ELFN1: variants seen among roughly 807,000 people sequenced by gnomAD.
ELFN1 encodes the protein extracellular leucine rich repeat and fibronectin type III domain containing 1, also known as protein ELFN1.
ELFN1 carries 6 observed loss-of-function variants against 7.6 expected under a neutral mutation model. The observed-to-expected ratio is 0.79, with a 90% CI of 0.43 to 1.56. ELFN1 has a LOEUF of 1.56. ELFN1 is among the 40% of genes most tolerant of loss of function. The pLI, the probability that ELFN1 is intolerant of heterozygous loss-of-function variation, is 0.01. For synonymous variants in ELFN1, 657 were observed against 588.1 expected (o/e 1.12, Z -1.70); for missense variants, 1,169 against 1,232.2 (o/e 0.95, Z 0.77).
intron 3 of ELFN1, among the ~76,000 whole-genome samples, chr7:1,733,831 A>T (rs1354870682): frequency 6.6e-6 from 1 of 152,076 alleles, no homozygotes; most frequent in Non-Finnish European, 1.5e-5. Context: ...CAGACAGCCC[A>T]CACGCCTGTG....
At position 1,681,122 on chromosome 7, in the gene ELFN1, A is replaced by G. The variant is rs142756189; in HGVS notation, c.-548-6936A>G. Reference sequence around the variant, plus strand: ...ATGCAGTCTTCTGTGGCTGGATTCTAACACTTAGTGTCATATTTTTGAGGT... The same window carrying G: ...ATGCAGTCTTCTGTGGCTGGATTCTGACACTTAGTGTCATATTTTTGAGGT... On this transcript the variant is annotated intron_variant, in intron 1 of 3. Transcript: ENST00000424383. Among the ~76,000 whole-genome samples the G allele has an allele frequency of 4.6e-3, 708 of 152,350 alleles. 4 individuals carry two copies. Among genetic ancestry groups the G allele is most frequent in the African/African-American group, 0.016 (672 of 41,570 alleles).
chr7:1,719,623 T>A (rs531946494), intron 3 of ELFN1, among the ~76,000 whole-genome samples: 75 of 152,282 alleles, frequency 4.9e-4, no homozygotes, highest in African/African-American at 1.8e-3. Flanking sequence ...AGACTCTGAT[T>A]CTGTGAGGAC....
intron 3 of ELFN1, among the ~76,000 whole-genome samples, chr7:1,717,569 CTGGGGATG>C (rs1350774253): frequency 6.6e-6 from 1 of 152,168 alleles, no homozygotes; most frequent in African/African-American, 2.4e-5. Context: ...CCAGGCCTGG[CTGGGGATG>C]TGGTTCATGG....
chr7:1,697,189 C>T (rs1411966357), intron 2 of ELFN1, among the ~76,000 whole-genome samples: 1 of 152,208 alleles, frequency 6.6e-6, no homozygotes, highest in Non-Finnish European at 1.5e-5. Context: ...AGAGGAGCCC[C>T]CCACCCCTCC....
In ELFN1 at chr7:1,745,609, C is replaced by T. The variant is rs760444793; in HGVS notation, c.1013C>T (p.Pro338Leu). The T allele has an allele frequency of 8.4e-6, 13 of 1,550,976 alleles. No individual in the cohort carries two copies. Among genetic ancestry groups the T allele is most frequent in the Middle Eastern group, 3.3e-4 (2 of 6,014 alleles). ...SATITVQLPS[P>L]FHRMYTLEHF... Reference sequence around the variant, plus strand: ...ACCATCACCGTCCAGCTGCCCAGCCCGTTCCACCGGATGTACACCCTGGAG... The same window carrying T: ...ACCATCACCGTCCAGCTGCCCAGCCTGTTCCACCGGATGTACACCCTGGAG... The change falls in exon 4 of 4, where the codon CCG (proline) becomes CTG (leucine). Residue 338 changes from proline (P) to leucine (L), a missense_variant. Physicochemically the swap from Pro to Leu is moderately conservative, Grantham distance 98. Coordinates refer to ENST00000424383, the MANE Select transcript of ELFN1 (RefSeq NM_001128636.4).
intron 3 of ELFN1, among the ~76,000 whole-genome samples, chr7:1,725,289 C>T (rs1780156005): frequency 6.6e-6 from 1 of 152,242 alleles, no homozygotes; most frequent in Non-Finnish European, 1.5e-5. Context: ...GGCCAGAATC[C>T]CGCCCACAGC....
chr7:1,711,567 C>T lies in ELFN1; in HGVS notation c.-294+2315C>T, dbSNP rs55946727. Among the ~76,000 whole-genome samples, 6 of 35,052 alleles carry T rather than the reference C, an allele frequency of 1.7e-4. No individual in the cohort carries two copies. The East Asian group carries it at 2.6e-3, about 15-fold the overall frequency. 23.0% of individuals were successfully genotyped at this position (35,052 alleles called of 152,430 possible). A position where few individuals can be genotyped will look rare whatever the true frequency, so the allele number is the denominator to read the frequency against. ...GGAAGGAAAAACCTTGAAGAGAGAGCGAGAGAGTGAGAGAGAGAGAGAGAG... is the reference window on the plus strand; with the variant it reads ...GGAAGGAAAAACCTTGAAGAGAGAGTGAGAGAGTGAGAGAGAGAGAGAGAG... On this transcript the variant is annotated intron_variant, in intron 3 of 3. Transcript: ENST00000424383.
chr7:1,746,531 C>T lies in ELFN1; in HGVS notation c.1935C>T (p.Ser645=), dbSNP rs1780799221. 3.5e-6 allele frequency: 5 copies of T among 1,431,614 alleles called. No homozygotes were observed. The highest frequency in any genetic ancestry group is 4.5e-6 in the Non-Finnish European group (5 of 1,103,118). 88.7% of individuals were successfully genotyped at this position (1,431,614 alleles called of 1,614,324 possible). The part of the protein sequence containing the change: ...PPRASTSSSG[S]VRSPRAFRAE... Reference sequence around the variant, plus strand: ...GTGCCAGCACCTCGTCCAGCGGCTCCGTGCGCAGCCCCCGCGCCTTCCGAG... The same window carrying T: ...GTGCCAGCACCTCGTCCAGCGGCTCTGTGCGCAGCCCCCGCGCCTTCCGAG... The change falls in exon 4 of 4, where the codon TCC becomes TCT. Residue 645 remains serine, a synonymous_variant. Transcript: ENST00000424383.
At chr7:1,711,609 AG>A (rs1779657480) in intron 3 of ELFN1, among the ~76,000 whole-genome samples, 1 of 151,140 alleles carries the variant, frequency 6.6e-6, no homozygotes, top group African/African-American at 2.4e-5. Context: ...AGAGAGAGAG[AG>A]AGAGAGAGAG....
intron 1 of ELFN1, among the ~76,000 whole-genome samples, chr7:1,680,180 G>A (rs1407618083): frequency 6.6e-6 from 1 of 152,222 alleles, no homozygotes; most frequent in Non-Finnish European, 1.5e-5. Flanking sequence ...GCTTGCCTTG[G>A]GCACTCTGGC....
intron 3 of ELFN1, among the ~76,000 whole-genome samples, chr7:1,729,685 G>T (rs1780285307): frequency 6.6e-6 from 1 of 152,148 alleles, no homozygotes; most frequent in South Asian, 2.1e-4. Context: ...GGGTGTCAAG[G>T]TCTCTGCAGA....
At chr7:1,667,592 C>T (rs1323601202), upstream of ELFN1, among the ~76,000 whole-genome samples, 1 of 152,168 alleles carries the variant, frequency 6.6e-6, no homozygotes, top group African/African-American at 2.4e-5. The surrounding 1 kb of genome is among the most constrained non-coding windows in gnomAD (Gnocchi z 8.2). Flanking sequence ...ATTTGAGGAT[C>T]TGGGGGACGG....
intron 3 of ELFN1, among the ~76,000 whole-genome samples, chr7:1,715,774 G>T (rs986040825): frequency 6.6e-6 from 1 of 152,182 alleles, no homozygotes; most frequent in East Asian, 1.9e-4. Context: ...GGCCTCTCCC[G>T]CTGGGCAGGA....
upstream of ELFN1, among the ~76,000 whole-genome samples, chr7:1,667,183 C>G (rs535558061): frequency 1.6e-3 from 237 of 152,074 alleles, no homozygotes; most frequent in African/African-American, 5.3e-3. The surrounding 1 kb of genome is among the most constrained non-coding windows in gnomAD (Gnocchi z 8.2). Context: ...CGGTCACGGC[C>G]CTGGGCCGTA....
In ELFN1 at chr7:1,744,908, C is replaced by T. The variant is rs756930012; in HGVS notation, c.312C>T (p.Phe104=). Residue 104 remains phenylalanine (F), a synonymous_variant, in exon 4 of 4, where the codon TTC becomes TTT. Transcript: ENST00000424383. ...TCGGCTACATCGAGGACGGCGCCTT[C>T]TCGGGCCAGTTCAACCTGCAGGTGC... is the stretch of plus-strand genomic sequence containing the variant. ...NEIGYIEDGA[F]SGQFNLQVLQ... 3.2e-6 allele frequency: 5 copies of T among 1,554,380 alleles called. No homozygotes were observed. In the African/African-American group the frequency reaches 5.5e-5, roughly 17 times the overall value.
At chr7:1,737,532 G>C (rs545257607) in intron 3 of ELFN1, among the ~76,000 whole-genome samples, 2 of 152,302 alleles carry the variant, frequency 1.3e-5, no homozygotes, top group Admixed American at 6.5e-5. Flanking sequence ...CCAGGAGAGA[G>C]AGCTTCTTCG....
At chr7:1,713,370 C>A (rs1583350674) in intron 3 of ELFN1, among the ~76,000 whole-genome samples, 1 of 152,326 alleles carries the variant, frequency 6.6e-6, no homozygotes, top group Admixed American at 6.5e-5. Flanking sequence ...AGCCGCTCCG[C>A]TGAGTCTTCC....
At position 1,746,087 on chromosome 7, in the gene ELFN1, C is replaced by G. The variant is rs1395896927; in HGVS notation, c.1491C>G (p.Ile497Met). The G allele has an allele frequency of 5.8e-6, 9 of 1,547,052 alleles. No individual in the cohort carries two copies. Among genetic ancestry groups the G allele is most frequent in the Middle Eastern group, 1.7e-4 (1 of 6,006 alleles). The change falls in exon 4 of 4, where the codon ATC becomes ATG. Residue 497 changes from isoleucine (I) to methionine (M), a missense_variant. Ile to Met is a conservative substitution (Grantham distance 10). Coordinates refer to ENST00000424383, the MANE Select transcript of ELFN1 (RefSeq NM_001128636.4). ...TGGGCCCCGAGGCCGTGACGCGCAT[C>G]CCTTACCTGCCTGCGGCCGGCGAGG... ...PLLGPEAVTR[I>M]PYLPAAGEVE... is the part of the protein sequence containing the mutation.
At chr7:1,684,922 G>A (rs1317157517) in intron 1 of ELFN1, among the ~76,000 whole-genome samples, 4 of 152,040 alleles carry the variant, frequency 2.6e-5, no homozygotes, top group South Asian at 2.1e-4. Context: ...TTTTATATTC[G>A]TCTATGTATT....
Sources: allele counts gnomAD v4.1 joint callset (sites outside exome capture counted in the v4.1 genomes callset), GRCh38; gene constraint gnomAD v4.1.1; non-coding constraint Gnocchi (gnomAD v3.1); transcripts MANE v1.5; gene names NCBI Gene and HGNC (gene_info 2026-07-23, HGNC 2026-07-21).